The following PHACTR2 variants were observed in gnomAD, a reference collection of about 807,000 sequenced individuals.
PHACTR2 encodes the protein chromosome 6 open reading frame 56.
A neutral mutation model predicts 76.0 loss-of-function variants in PHACTR2; 30 were observed. That is an observed-to-expected ratio of 0.39 (90% confidence interval 0.30 to 0.54). The LOEUF (loss-of-function observed/expected upper bound fraction) is 0.54, where lower values mean the gene tolerates loss of function less well. Ranked by LOEUF, PHACTR2 falls within the 20% of genes least tolerant of loss-of-function variation. The probability of loss-of-function intolerance (pLI) is 0.61; values close to 1 mark genes in which losing one functional copy is unlikely to be tolerated. For synonymous variants in PHACTR2, 292 were observed against 292.5 expected, an observed-to-expected ratio of 1.00 and a Z score of 0.02; for missense variants, 696 against 781.1, an observed-to-expected ratio of 0.89 and a Z score of 1.30.
rs187044004 is a variant in PHACTR2 at position 143,654,557 on chromosome 6, C to T, written c.13+46235C>T. ...CTGTGGCTCACACCTGTAATCTTGG[C>T]ACTTTGGGAGACTGAGGTGGGAGGA... On this transcript the variant is annotated intron_variant, in intron 1 of 11. Coordinates refer to the PHACTR2 transcript ENST00000305766. The surrounding 1 kb of genome is among the most constrained non-coding windows in gnomAD (Gnocchi z 4.6). Among the ~76,000 whole-genome samples, 84 of 152,264 alleles carry T rather than the reference C, an allele frequency of 5.5e-4. No individual in the cohort carries two copies. The highest frequency in any genetic ancestry group is 2.0e-3 in the African/African-American group (82 of 41,558).
In PHACTR2 at chr6:143,592,765, G is replaced by C. The variant is rs1775705551; in HGVS notation, c.217+55558G>C. Among the ~76,000 whole-genome samples, 1 of 151,954 alleles carries C rather than the reference G, an allele frequency of 6.6e-6. No homozygotes were observed. Among genetic ancestry groups the C allele is most frequent in the Non-Finnish European group, 1.5e-5 (1 of 67,976 alleles). On this transcript the variant is annotated intron_variant, in intron 1 of 11. Transcript: ENST00000367584. The surrounding 1 kb of genome is among the most constrained non-coding windows in gnomAD (Gnocchi z 4.0). ...AGCTATTGTTAAGAATCCCAACCTT[G>C]GGCTGGGCACGGTGGCTCAAGCCTG...
intron 11 of PHACTR2, among the ~76,000 whole-genome samples, chr6:143,804,224 G>A (rs1035378096): frequency 1.3e-5 from 2 of 152,102 alleles, no homozygotes; most frequent in Non-Finnish European, 2.9e-5. Flanking sequence ...ACTAACCGTC[G>A]GTGCCTTTTG....
intron 1 of PHACTR2, among the ~76,000 whole-genome samples, chr6:143,635,672 G>A (rs960311405): frequency 6.6e-6 from 1 of 152,094 alleles, no homozygotes; most frequent in Non-Finnish European, 1.5e-5. Flanking sequence ...CCAGTCGTAT[G>A]TACTTCTTTT....
At position 143,662,169 on chromosome 6, in the gene PHACTR2, A is replaced by G. The variant is rs1198892667; in HGVS notation, c.14-49847A>G. ...GTCAACATTCCCTAATTGAGAAGTA[A>G]TTTGCAGTTACTGAAATCCATTTTA... On this transcript the variant is annotated intron_variant, in intron 1 of 11. Transcript: ENST00000305766. This position sits in a 1 kb window ranked among gnomAD's most constrained non-coding sequence, Gnocchi z 4.7. 6.6e-6 allele frequency among the ~76,000 whole-genome samples: 1 copy of G among 152,154 alleles called. No individual in the cohort carries two copies. The highest frequency in any genetic ancestry group is 1.5e-5 in the Non-Finnish European group (1 of 68,038).
chr6:143,581,901 T>C lies in PHACTR2; in HGVS notation c.217+44694T>C, dbSNP rs377694534. Among the ~76,000 whole-genome samples, 10 of 152,272 alleles carry C rather than the reference T, an allele frequency of 6.6e-5. 2 individuals are homozygous for C. The highest frequency in any genetic ancestry group is 6.5e-5 in the Admixed American group (1 of 15,298). On this transcript the variant is annotated intron_variant, in intron 1 of 11. Transcript: ENST00000367584. The surrounding 1 kb of genome is among the most constrained non-coding windows in gnomAD (Gnocchi z 4.5). ...CCTAGACTTAGATGAACCCAGTCTA[T>C]TTTTTGCAGTTATACATGGGGATGG...
chr6:143,694,601 G>A (rs1292388132), intron 1 of PHACTR2, among the ~76,000 whole-genome samples: 1 of 152,208 alleles, frequency 6.6e-6, no homozygotes, highest in Non-Finnish European at 1.5e-5. Flanking sequence ...TCTTAGATGT[G>A]TTTGAAATCC....
rs1329166135 is a variant in PHACTR2, at chr6:143,653,788, T to C, written c.13+45466T>C. 1.3e-5 allele frequency among the ~76,000 whole-genome samples: 2 copies of C among 152,078 alleles called. No individual in the cohort carries two copies. Among genetic ancestry groups the C allele is most frequent in the Non-Finnish European group, 2.9e-5 (2 of 68,008 alleles). ...GCTTAGAAGAAAACATAGGTGTAAA[T>C]TTTCATGACCTTGAATTAGGCAATT... On this transcript the variant is annotated intron_variant, in intron 1 of 11. Coordinates refer to the PHACTR2 transcript ENST00000305766. This position sits in a 1 kb window ranked among gnomAD's most constrained non-coding sequence, Gnocchi z 4.9.
At position 143,639,819 on chromosome 6, in the gene PHACTR2, G is replaced by A. The variant is rs1382956355; in HGVS notation, c.13+31497G>A. 2.0e-5 allele frequency among the ~76,000 whole-genome samples: 3 copies of A among 152,124 alleles called. No homozygotes were observed. Among genetic ancestry groups the A allele is most frequent in the African/African-American group, 2.4e-5 (1 of 41,416 alleles). On this transcript the variant is annotated intron_variant, in intron 1 of 11. Transcript: ENST00000305766. The surrounding 1 kb of genome is among the most constrained non-coding windows in gnomAD (Gnocchi z 5.0). ...AAAGAAGTTTTAAGAACCACTGAAGGGTGATTTGATTTGCATTACATTTTC... is the reference window on the plus strand; with the variant it reads ...AAAGAAGTTTTAAGAACCACTGAAGAGTGATTTGATTTGCATTACATTTTC...
chr6:143,635,661 G>A (rs1438857063), intron 1 of PHACTR2, among the ~76,000 whole-genome samples: 3 of 152,130 alleles, frequency 2.0e-5, no homozygotes, highest in African/African-American at 7.2e-5. Context: ...TTTGTCTAGT[G>A]CCAGTCGTAT....
At chr6:143,690,674 C>T (rs1777623840) in intron 1 of PHACTR2, among the ~76,000 whole-genome samples, 1 of 152,146 alleles carries the variant, frequency 6.6e-6, no homozygotes, top group Non-Finnish European at 1.5e-5. Context: ...TAGCAGATAG[C>T]TTTTAACTGA....
intron 2 of PHACTR2, 141 bp downstream of exon 2, chr6:143,712,324 A>T (rs986798973): frequency 2.0e-5 from 10 of 491,024 alleles, no homozygotes; most frequent in African/African-American, 2.0e-4. Flanking sequence ...TAAGAATAAA[A>T]TAAGGATGAA....
intron 2 of PHACTR2, among the ~76,000 whole-genome samples, chr6:143,737,022 GTA>G (rs1277468157): frequency 1.3e-5 from 2 of 151,726 alleles, no homozygotes; most frequent in Non-Finnish European, 2.9e-5. Context: ...GAACACAAAG[GTA>G]TATTCTTAAG....
chr6:143,628,945 A>G (rs1168262041), intron 1 of PHACTR2, among the ~76,000 whole-genome samples: 4 of 44,544 alleles, frequency 9.0e-5, no homozygotes, highest in Middle Eastern at 9.8e-3. Flanking sequence ...ATATATATAT[A>G]TATATATATA....
At position 143,592,599 on chromosome 6, in the gene PHACTR2, A is replaced by G. The variant is rs1775703904; in HGVS notation, c.217+55392A>G. Among the ~76,000 whole-genome samples the G allele has an allele frequency of 6.6e-6, 1 of 152,142 alleles. No homozygotes were observed. The highest frequency in any genetic ancestry group is 1.5e-5 in the Non-Finnish European group (1 of 68,028). On this transcript the variant is annotated intron_variant, in intron 1 of 11. Coordinates refer to the PHACTR2 transcript ENST00000367584. The surrounding 1 kb of genome is among the most constrained non-coding windows in gnomAD (Gnocchi z 4.0). The stretch of plus-strand genomic sequence containing the variant: ...CCGGTCGTTTGTTTATGCTCTTTCC[A>G]TTAACCTAGTAATGTCCTTCCCTCT...
chr6:143,810,598 A>G, intron 12 of PHACTR2: 1 of 450,486 alleles, frequency 2.2e-6, no homozygotes, highest in Non-Finnish European at 4.5e-6. Context: ...TGACCAGCTG[A>G]GGCAGGAGGA....
chr6:143,788,642 C>CT (rs200962238), intron 10 of PHACTR2, 131 bp from the exon 11 acceptor site: 11,803 of 434,672 alleles, frequency 0.027, 114 homozygotes, highest in African/African-American at 0.077. Flanking sequence ...ATGCTGTTGC[C>CT]TTTTTTTTTT....
intron 1 of PHACTR2, among the ~76,000 whole-genome samples, chr6:143,628,503 C>T (rs2128441480): frequency 6.6e-6 from 1 of 152,186 alleles, no homozygotes; most frequent in African/African-American, 2.4e-5. Flanking sequence ...GGTTCTAAGC[C>T]ATCAGAGTAG....
At position 143,610,125 on chromosome 6, in the gene PHACTR2, G is replaced by C. The variant is rs1775952889; in HGVS notation, c.13+1803G>C. Among the ~76,000 whole-genome samples the C allele has an allele frequency of 6.6e-6, 1 of 151,984 alleles. No individual in the cohort carries two copies. Among genetic ancestry groups the C allele is most frequent in the South Asian group, 2.1e-4 (1 of 4,816 alleles). ...CAGAAATAGCATGTTTCTTATAATG[G>C]CTTATAATTGGCTGTCAGTGATCAC... is the stretch of plus-strand genomic sequence containing the variant. On this transcript the variant is annotated intron_variant, in intron 1 of 11. Transcript: ENST00000305766. The surrounding 1 kb of genome is among the most constrained non-coding windows in gnomAD (Gnocchi z 4.9).
At chr6:143,666,877 T>A (rs1017320769) in intron 1 of PHACTR2, among the ~76,000 whole-genome samples, 1 of 152,200 alleles carries the variant, frequency 6.6e-6, no homozygotes, top group Admixed American at 6.5e-5. Context: ...AACTCTTTAG[T>A]TTAATTAGAT....
Sources: gnomAD v4.1 joint callset for allele counts (sites outside exome capture counted in the v4.1 genomes callset) on GRCh38, gnomAD v4.1.1 for gene constraint, Gnocchi (gnomAD v3.1) non-coding constraint, MANE v1.5 for transcripts, NCBI Gene and HGNC (gene_info 2026-07-23, HGNC 2026-07-21) for gene names.